The following KRT39 variants were observed in gnomAD, a reference collection of about 807,000 sequenced individuals.
KRT39 encodes the protein keratin 39, also known as keratin, type I cytoskeletal 39.
A neutral mutation model predicts 54.8 loss-of-function variants in KRT39; 47 were observed. The observed-to-expected ratio is 0.86, with a 90% CI of 0.68 to 1.09. The LOEUF (loss-of-function observed/expected upper bound fraction) is 1.09, where lower values mean the gene tolerates loss of function less well. Among genes scored for constraint, KRT39 ranks in the 50% least tolerant of loss-of-function variants. The pLI is 0.00. For synonymous variants in KRT39, 207 were observed against 227.9 expected, an observed-to-expected ratio of 0.91 and a Z score of 0.83; for missense variants, 580 against 598.5, an observed-to-expected ratio of 0.97 and a Z score of 0.32.
intron 1 of KRT39, among the ~76,000 whole-genome samples, chr17:40,965,010 C>T (rs1009953041): frequency 3.3e-5 from 5 of 151,426 alleles, no homozygotes; most frequent in Admixed American, 3.3e-4. Context: ...TCCTGGCTAA[C>T]ACGGTGAAAC....
At position 40,964,392 on chromosome 17, in the gene KRT39, T is replaced by A. The variant is rs935471275; in HGVS notation, c.551+54A>T. 3 of 1,490,464 alleles carry A rather than the reference T, an allele frequency of 2.0e-6. No homozygotes were observed. The East Asian group carries it at 6.8e-5, about 34-fold the overall frequency. 92.3% of individuals were successfully genotyped at this position (1,490,464 alleles called of 1,614,324 possible). On this transcript the variant is annotated intron_variant, in intron 2 of 6. Transcript: ENST00000355612. The stretch of plus-strand genomic sequence containing the variant: ...TGGGGACAATTTTGTTGAGGGCATC[T>A]CGGTCAGACTCAGGGTGAGCTCTGT...
chr17:40,962,997 A>G (rs1160175823), intron 3 of KRT39, among the ~76,000 whole-genome samples: 1 of 152,202 alleles, frequency 6.6e-6, no homozygotes, highest in African/African-American at 2.4e-5. Flanking sequence ...GAAGACTGTA[A>G]GGACAGAAAA....
At chr17:40,964,256 C>A in intron 2 of KRT39, 190 bp downstream of exon 2, 1 of 595,832 alleles carries the variant, frequency 1.7e-6, no homozygotes, top group Admixed American at 3.0e-5. Context: ...AAGTTAGAAA[C>A]TATAGGTACT....
At position 40,966,684 on chromosome 17, in the gene KRT39, C is replaced by T. The variant is rs1419097167; in HGVS notation, c.173G>A (p.Gly58Asp). The T allele has an allele frequency of 6.2e-7, 1 of 1,614,190 alleles. No individual in the cohort carries two copies. The highest frequency in any genetic ancestry group is 8.5e-7 in the Non-Finnish European group (1 of 1,180,024). The part of the protein sequence containing the change: ...GHVLRIPWDQ[G>D]CQPTPRFCRK... ...ACAAAAGCGAGGAGTGGGTTGGCAG[C>T]CCTGGTCCCAGGGAATTCTGAGAAC... Residue 58 changes from glycine to aspartate, a missense_variant, in exon 1 of 7, where the codon GGC becomes GAC. Physicochemically the swap from Gly to Asp is moderately conservative, Grantham distance 94 (BLOSUM62 -1). Transcript: ENST00000355612.
At position 40,960,289 on chromosome 17, in the gene KRT39, C is replaced by T. The variant is rs752127494; in HGVS notation, c.1209G>A (p.Ser403=). The change falls in exon 6 of 7, where the codon TCG becomes TCA. Residue 403 remains serine, a synonymous_variant. Coordinates refer to ENST00000355612, the MANE Select transcript of KRT39 (RefSeq NM_213656.4). ...GCTGTTATTTTACATACTTGCCATC[C>T]GAGCTCTCCAGAAGGCTGCGGTATG... ...ITTYRSLLES[S]DGKRPCYPRA... The T allele has an allele frequency of 4.3e-6, 7 of 1,612,108 alleles. No individual in the cohort carries two copies. Among genetic ancestry groups the T allele is most frequent in the African/African-American group, 2.7e-5 (2 of 74,954 alleles).
intron 4 of KRT39, 53 bp from the exon 5 acceptor site, chr17:40,962,340 G>A: frequency 2.5e-6 from 4 of 1,611,946 alleles, no homozygotes; most frequent in Non-Finnish European, 3.4e-6. Flanking sequence ...ACATGACTTT[G>A]ATTAAAGGGC....
intron 6 of KRT39, among the ~76,000 whole-genome samples, chr17:40,959,883 G>C (rs151306847): frequency 6.6e-6 from 1 of 152,334 alleles, no homozygotes; most frequent in African/African-American, 2.4e-5. Flanking sequence ...TCCTCCAAAG[G>C]AGCCTGGGTT....
Position 40,966,660 on chromosome 17 carries a change from CA to C in KRT39, c.196del (p.Cys66ValfsTer7). ...DQGCQPTPRF[C>X]RKPIYLMNNF... The stretch of plus-strand genomic sequence containing the variant: ...GTTCATTAGGTAGATGGGCTTGCGA[CA>C]AAAGCGAGGAGTGGGTTGGCAGCCC... On this transcript the variant is annotated frameshift_variant, in exon 1 of 7. Transcript: ENST00000355612. LOFTEE classifies it high-confidence loss of function. 6.2e-7 allele frequency: 1 copy of C among 1,614,166 alleles called. No individual in the cohort carries two copies. Among genetic ancestry groups the C allele is most frequent in the Non-Finnish European group, 8.5e-7 (1 of 1,180,032 alleles).
At chr17:40,960,164 T>G in intron 6 of KRT39, 117 bp downstream of exon 6, 1 of 821,036 alleles carries the variant, frequency 1.2e-6, no homozygotes, top group Non-Finnish European at 2.0e-6. Flanking sequence ...CTGTCCAAGC[T>G]CCCCATCACT....
chr17:40,958,841 A>C lies in KRT39; in HGVS notation c.1236T>G (p.Arg412=), dbSNP rs147690279. ...SSDGKRPCYP[R]ATKCEPSPWT... The stretch of plus-strand genomic sequence containing the variant: ...AAGGGGAAGGCTCACATTTGGTGGC[A>C]CGTGGGTAACAGGGACGCCTAAGGA... The change falls in exon 7 of 7, where the codon CGT becomes CGG. Residue 412 remains arginine, a synonymous_variant. Transcript: ENST00000355612. 46 of 1,606,060 alleles carry C rather than the reference A, an allele frequency of 2.9e-5. No individual in the cohort carries two copies. The highest frequency in any genetic ancestry group is 3.4e-5 in the Non-Finnish European group (40 of 1,175,868).
At chr17:40,961,054 C>T (rs899717540) in intron 5 of KRT39, among the ~76,000 whole-genome samples, 6 of 151,610 alleles carry the variant, frequency 4.0e-5, no homozygotes, top group Non-Finnish European at 5.9e-5. Context: ...TGCTTGAACC[C>T]GGGAGGTGGA....
At chr17:40,959,359 G>T (rs1190973710) in intron 6 of KRT39, among the ~76,000 whole-genome samples, 1 of 152,198 alleles carries the variant, frequency 6.6e-6, no homozygotes, top group Non-Finnish European at 1.5e-5. Flanking sequence ...TAATAGTGGT[G>T]GCCTGAACCC....
chr17:40,963,860 C>T, intron 2 of KRT39, 77 bp from the exon 3 acceptor site: 1 of 1,225,144 alleles, frequency 8.2e-7, no homozygotes, highest in South Asian at 1.6e-5. Context: ...CTCTCATCTG[C>T]ATTTTGCTCT....
chr17:40,962,126 C>T, intron 5 of KRT39, 36 bp downstream of exon 5: 1 of 1,609,264 alleles, frequency 6.2e-7, no homozygotes, highest in Admixed American at 1.7e-5. Context: ...CTGTTTCCAT[C>T]TTTGCTGAGC....
Position 40,966,703 on chromosome 17 carries a change from T to TGGGAACGTGGCCA in KRT39, c.153_154insTGGCCACGTTCCC (p.Arg52TrpfsTer37). 6.2e-7 allele frequency: 1 copy of TGGGAACGTGGCCA among 1,614,198 alleles called. No individual in the cohort carries two copies. Among genetic ancestry groups the TGGGAACGTGGCCA allele is most frequent in the Non-Finnish European group, 8.5e-7 (1 of 1,180,028 alleles). On this transcript the variant is annotated frameshift_variant, in exon 1 of 7. Coordinates refer to ENST00000355612, the MANE Select transcript of KRT39 (RefSeq NM_213656.4). LOFTEE classifies it high-confidence loss of function. ...TGGCAGCCCTGGTCCCAGGGAATTCTGAGAACGTGGCCAGCTGGTTGACAG... is the reference window on the plus strand; with the variant it reads ...TGGCAGCCCTGGTCCCAGGGAATTCTGGGAACGTGGCCAGAGAACGTGGCCAGCTGGTTGACAG...
chr17:40,963,562 C>T (rs1360299969), intron 3 of KRT39, 65 bp downstream of exon 3: 1 of 1,466,914 alleles, frequency 6.8e-7, no homozygotes, highest in Admixed American at 1.9e-5. Context: ...TCAGGTGCAA[C>T]TCAAAGGAAC....
intron 1 of KRT39, among the ~76,000 whole-genome samples, chr17:40,965,076 C>T (rs1394203928): frequency 5.9e-5 from 9 of 151,396 alleles, no homozygotes; most frequent in Non-Finnish European, 8.8e-5. Context: ...TGGTGGCGGG[C>T]GCCTGTAGTC....
chr17:40,961,338 G>A (rs1279945105), intron 5 of KRT39, among the ~76,000 whole-genome samples: 1 of 152,044 alleles, frequency 6.6e-6, no homozygotes, highest in African/African-American at 2.4e-5. Context: ...GGGATTTTAG[G>A]TTTTAATAGC....
Position 40,958,434 on chromosome 17 carries a change from T to G in KRT39, c.*167A>C. 1 of 616,478 alleles carries G rather than the reference T, an allele frequency of 1.6e-6. No individual in the cohort carries two copies. The highest frequency in any genetic ancestry group is 2.7e-6 in the Non-Finnish European group (1 of 367,528). The allele number at this position is 616,478 out of a possible 1,614,324, so 38.2% of individuals were successfully genotyped here. A position where few individuals can be genotyped will look rare whatever the true frequency, so the allele number is the denominator to read the frequency against. On this transcript the variant is annotated 3_prime_UTR_variant, in exon 7 of 7. Coordinates refer to ENST00000355612, the MANE Select transcript of KRT39 (RefSeq NM_213656.4). ...TATTATCATGTTAGCAGTGGTGAGTTAGGGAAGGAGCAGAATAAAAGATAT... is the reference window on the plus strand; with the variant it reads ...TATTATCATGTTAGCAGTGGTGAGTGAGGGAAGGAGCAGAATAAAAGATAT...
Sources: gnomAD v4.1 joint callset for allele counts (sites outside exome capture counted in the v4.1 genomes callset) on GRCh38, gnomAD v4.1.1 for gene constraint, MANE v1.5 for transcripts, NCBI Gene and HGNC (gene_info 2026-07-23, HGNC 2026-07-21) for gene names.